SLC44A3: variants seen among roughly 807,000 people sequenced by gnomAD.
The protein encoded by SLC44A3 is choline transporter-like protein 3.
Under a neutral mutation model 75.4 loss-of-function variants are expected in SLC44A3, and 74 were observed. The observed-to-expected ratio is 0.98, with a 90% confidence interval of 0.81 to 1.19. The LOEUF is 1.19. SLC44A3 is among the 50% of genes most tolerant of loss of function. The probability of loss-of-function intolerance (pLI) is 0.00; values close to 1 mark genes in which losing one functional copy is unlikely to be tolerated. For synonymous variants in SLC44A3, 310 were observed against 296.9 expected (o/e 1.04, Z -0.45); for missense variants, 700 against 778.6 (o/e 0.90, Z 1.20).
chr1:94,832,880 T>C (rs937580275), intron 5 of SLC44A3, among the ~76,000 whole-genome samples: 1 of 152,090 alleles, frequency 6.6e-6, no homozygotes, highest in African/African-American at 2.4e-5. Flanking sequence ...GATGGGAGGA[T>C]CTCTTGAGCC....
At position 94,837,705 on chromosome 1, in the gene SLC44A3, T is replaced by G; in HGVS notation, c.510-6T>G. The G allele has an allele frequency of 6.4e-7, 1 of 1,555,524 alleles. No homozygotes were observed. The highest frequency in any genetic ancestry group is 2.3e-5 in the East Asian group (1 of 42,892). On this transcript the variant is annotated splice_region_variant and splice_polypyrimidine_tract_variant and intron_variant, in intron 5 of 14. Coordinates refer to ENST00000271227, the MANE Select transcript of SLC44A3 (RefSeq NM_001114106.3). Reference sequence around the variant, plus strand: ...ATTTTTGCCATCTTTTTTTCTCTATTTTTAGCAAGTCATTTCCCTTATTTA... The same window carrying G: ...ATTTTTGCCATCTTTTTTTCTCTATGTTTAGCAAGTCATTTCCCTTATTTA...
chr1:94,860,571 T>G, intron 10 of SLC44A3, among the ~76,000 whole-genome samples: 1 of 152,164 alleles, frequency 6.6e-6, no homozygotes, highest in East Asian at 1.9e-4. Flanking sequence ...GGACCCAGAA[T>G]AGGATCTGAC....
chr1:94,862,986 G>A (rs963326715), intron 10 of SLC44A3, among the ~76,000 whole-genome samples: 3 of 152,182 alleles, frequency 2.0e-5, no homozygotes, highest in African/African-American at 7.2e-5. Context: ...GCAGGGGAGA[G>A]GTGGTAGGAT....
intron 9 of SLC44A3, among the ~76,000 whole-genome samples, chr1:94,855,907 A>G (rs1665812287): frequency 6.6e-6 from 1 of 152,234 alleles, no homozygotes; most frequent in African/African-American, 2.4e-5. Flanking sequence ...TCTTCTTCCC[A>G]GTAGTAGTTG....
At chr1:94,840,500 G>A (rs1663478670) in intron 7 of SLC44A3, among the ~76,000 whole-genome samples, 1 of 151,772 alleles carries the variant, frequency 6.6e-6, no homozygotes, top group African/African-American at 2.4e-5. Flanking sequence ...ATGTTGCCCA[G>A]TCTGGTCTCC....
chr1:94,859,429 G>A (rs912631886), intron 10 of SLC44A3, among the ~76,000 whole-genome samples: 1 of 152,182 alleles, frequency 6.6e-6, no homozygotes, highest in African/African-American at 2.4e-5. Flanking sequence ...AGAGGGAGGT[G>A]GAGCAGTGCC....
chr1:94,821,643 CG>C (rs1660602851), intron 2 of SLC44A3, among the ~76,000 whole-genome samples: 1 of 152,100 alleles, frequency 6.6e-6, no homozygotes, highest in Non-Finnish European at 1.5e-5. Context: ...TGTTGGAAGC[CG>C]AATCTTGCTG....
At chr1:94,868,608 T>C (rs1667427823) in intron 12 of SLC44A3, among the ~76,000 whole-genome samples, 1 of 152,250 alleles carries the variant, frequency 6.6e-6, no homozygotes, top group Non-Finnish European at 1.5e-5. Flanking sequence ...TAAGATGTTA[T>C]AGCTATTGTG....
At chr1:94,845,785 C>G (rs370188381) in intron 9 of SLC44A3, among the ~76,000 whole-genome samples, 2 of 152,080 alleles carry the variant, frequency 1.3e-5, no homozygotes, top group Middle Eastern at 3.2e-3. Flanking sequence ...TGAGTTTTAT[C>G]CAAGGTAATT....
intron 12 of SLC44A3, among the ~76,000 whole-genome samples, chr1:94,889,960 C>T (rs946188074): frequency 3.3e-5 from 5 of 152,174 alleles, no homozygotes; most frequent in South Asian, 4.1e-4. Flanking sequence ...AAGCAATTCT[C>T]CTGCCTCAAC....
intron 14 of SLC44A3, 56 bp from the exon 15 acceptor site, chr1:94,894,762 C>T (rs1482667148): frequency 4.2e-5 from 61 of 1,455,206 alleles, no homozygotes; most frequent in Non-Finnish European, 5.0e-5. Context: ...TCGGCCCCTA[C>T]GTTATCAACA....
At chr1:94,856,047 G>A (rs1421737238) in intron 9 of SLC44A3, among the ~76,000 whole-genome samples, 1 of 152,176 alleles carries the variant, frequency 6.6e-6, no homozygotes, top group Non-Finnish European at 1.5e-5. Flanking sequence ...GGATTTACCA[G>A]CAGAGCTAAT....
intron 9 of SLC44A3, among the ~76,000 whole-genome samples, chr1:94,853,133 G>T (rs1665421092): frequency 6.6e-6 from 1 of 152,148 alleles, no homozygotes; most frequent in South Asian, 2.1e-4. Context: ...CCCGGGAGAT[G>T]AGGGAGAACA....
intron 10 of SLC44A3, among the ~76,000 whole-genome samples, chr1:94,858,753 A>T (rs536778959): frequency 6.6e-6 from 1 of 152,146 alleles, no homozygotes; most frequent in Middle Eastern, 3.4e-3. Context: ...GTGTAGCGGC[A>T]CGATCTTGGC....
At chr1:94,849,899 A>C (rs1260481183) in intron 9 of SLC44A3, among the ~76,000 whole-genome samples, 1 of 152,016 alleles carries the variant, frequency 6.6e-6, no homozygotes, top group Non-Finnish European at 1.5e-5. Flanking sequence ...TGCACATGCC[A>C]CTATGCCTAG....
intron 9 of SLC44A3, among the ~76,000 whole-genome samples, chr1:94,846,008 G>T (rs12068652): frequency 6.6e-6 from 1 of 152,176 alleles, no homozygotes; most frequent in Middle Eastern, 3.4e-3. Flanking sequence ...TTAGCTGGGC[G>T]TGGTGGCGTG....
chr1:94,841,120 G>A (rs192978256), intron 7 of SLC44A3, among the ~76,000 whole-genome samples: 5 of 152,260 alleles, frequency 3.3e-5, no homozygotes, highest in African/African-American at 7.2e-5. Flanking sequence ...CCTAGGCTAC[G>A]AACCTGCACA....
At chr1:94,840,350 C>T (rs1007014824) in intron 7 of SLC44A3, among the ~76,000 whole-genome samples, 3 of 124,908 alleles carry the variant, frequency 2.4e-5, no homozygotes, top group African/African-American at 3.1e-5. Context: ...AGTGCAATGG[C>T]GCGAACGCAG....
intron 10 of SLC44A3, among the ~76,000 whole-genome samples, chr1:94,859,800 C>T (rs1159727694): frequency 6.6e-6 from 1 of 152,194 alleles, no homozygotes; most frequent in African/African-American, 2.4e-5. Flanking sequence ...CCCCACATTC[C>T]ACAGTTCAGC....
Sources: allele counts gnomAD v4.1 joint callset (sites outside exome capture counted in the v4.1 genomes callset), GRCh38; gene constraint gnomAD v4.1.1; transcripts MANE v1.5; gene names NCBI Gene and HGNC (gene_info 2026-07-23, HGNC 2026-07-21).